The following SMYD3 variants were observed in gnomAD, a reference collection of about 807,000 sequenced individuals.
SMYD3 encodes histone-lysine N-methyltransferase SMYD3.
A neutral mutation model predicts 57.7 loss-of-function variants in SMYD3; 36 were observed. The ratio of observed to expected loss-of-function variants is 0.62; its 90% CI spans 0.48 to 0.82. SMYD3 has a LOEUF of 0.82. Ranked by LOEUF, SMYD3 falls within the 40% of genes least tolerant of loss-of-function variation. SMYD3 has a pLI of 0.00. For synonymous variants in SMYD3, 211 were observed against 195.0 expected, an observed-to-expected ratio of 1.08 and a Z score of -0.68; for missense variants, 515 against 538.8, an observed-to-expected ratio of 0.96 and a Z score of 0.44.
At chr1:246,241,830 T>C (rs192326384) in intron 5 of SMYD3, among the ~76,000 whole-genome samples, 11 of 152,182 alleles carry the variant, frequency 7.2e-5, no homozygotes, top group Non-Finnish European at 7.3e-5. Flanking sequence ...GGAGAGTGTA[T>C]CTGTCGAGGA....
chr1:246,038,524 A>G (rs1379063269), intron 5 of SMYD3, among the ~76,000 whole-genome samples: 1 of 152,222 alleles, frequency 6.6e-6, no homozygotes, highest in Admixed American at 6.5e-5. Context: ...GCCTCGGGTA[A>G]CTCTCAGGCC....
At chr1:246,212,133 G>A (rs2063098927) in intron 5 of SMYD3, among the ~76,000 whole-genome samples, 1 of 151,980 alleles carries the variant, frequency 6.6e-6, no homozygotes, top group Admixed American at 6.5e-5. Context: ...AAAAGACACA[G>A]GGCTGGTAAA....
chr1:246,445,606 A>G (rs892533811), intron 1 of SMYD3, among the ~76,000 whole-genome samples: 3 of 152,214 alleles, frequency 2.0e-5, no homozygotes, highest in African/African-American at 7.2e-5. Context: ...AACACAGTTA[A>G]CAACAAAGAA....
At chr1:246,016,444 G>A (rs770982162) in intron 5 of SMYD3, among the ~76,000 whole-genome samples, 4 of 151,360 alleles carry the variant, frequency 2.6e-5, no homozygotes, top group East Asian at 2.0e-4. Context: ...TTAGCCAGGC[G>A]TGGTGGCATG....
At position 245,863,866 on chromosome 1, in the gene SMYD3, A is replaced by G; in HGVS notation, c.834T>C (p.Gly278=). The G allele has an allele frequency of 6.2e-7, 1 of 1,614,146 alleles. No individual in the cohort carries two copies. Among genetic ancestry groups the G allele is most frequent in the Non-Finnish European group, 8.5e-7 (1 of 1,179,990 alleles). The change falls in exon 9 of 12, where the codon GGT becomes GGC. Residue 278 remains glycine (G), a synonymous_variant. Coordinates refer to ENST00000490107, the MANE Select transcript of SMYD3 (RefSeq NM_001167740.2). ...TQDKDADMLT[G]DEQVWKEVQE... ...GAACTTCCTTCCATACTTGCTCATC[A>G]CCAGTTAGCATATCAGCATCCTGCT...
intron 5 of SMYD3, among the ~76,000 whole-genome samples, chr1:246,101,700 T>C (rs1306670653): frequency 1.3e-5 from 2 of 152,258 alleles, no homozygotes. Flanking sequence ...CTTCTTTTTC[T>C]TTAAAATTTA....
At chr1:246,017,023 G>T (rs1422158363) in intron 5 of SMYD3, among the ~76,000 whole-genome samples, 1 of 152,008 alleles carries the variant, frequency 6.6e-6, no homozygotes, top group East Asian at 1.9e-4. Context: ...TAATACAAGT[G>T]TCTTTCCAAA....
At chr1:246,300,263 T>C (rs917067366) in intron 5 of SMYD3, among the ~76,000 whole-genome samples, 3 of 152,132 alleles carry the variant, frequency 2.0e-5, no homozygotes, top group African/African-American at 7.2e-5. Context: ...TAGACCCCAA[T>C]AAACATTTCA....
chr1:246,061,470 C>T (rs562056681), intron 5 of SMYD3, among the ~76,000 whole-genome samples: 1 of 151,948 alleles, frequency 6.6e-6, no homozygotes, highest in East Asian at 1.9e-4. Flanking sequence ...CCTATAATCT[C>T]AGCACTTTGG....
intron 5 of SMYD3, among the ~76,000 whole-genome samples, chr1:246,137,897 A>G (rs533520155): frequency 6.6e-6 from 1 of 152,320 alleles, no homozygotes; most frequent in Admixed American, 6.5e-5. Context: ...GGGAGCACAC[A>G]TTTAAAAAAA....
At position 246,347,550 on chromosome 1, in the gene SMYD3, G is replaced by C. The variant is rs147310931; in HGVS notation, c.228+7481C>G. On this transcript the variant is annotated intron_variant, in intron 2 of 11. Coordinates refer to ENST00000490107, the MANE Select transcript of SMYD3 (RefSeq NM_001167740.2). ...AAAACACTTGAAAGGTGTGTGCAAT[G>C]GTTTGAAGGTCTGTACCCTCCAAAA... 4.5e-3 allele frequency among the ~76,000 whole-genome samples: 688 copies of C among 152,254 alleles called. 6 individuals carry two copies. Among genetic ancestry groups the C allele is most frequent in the Admixed American group, 9.7e-3 (149 of 15,296 alleles).
chr1:246,361,422 G>C (rs1417582018), intron 1 of SMYD3, among the ~76,000 whole-genome samples: 5 of 152,182 alleles, frequency 3.3e-5, no homozygotes, highest in African/African-American at 1.2e-4. Flanking sequence ...TCTACCATTT[G>C]ATTCAGCAGT....
chr1:246,256,055 G>C (rs1558354168), intron 5 of SMYD3, among the ~76,000 whole-genome samples: 1 of 151,992 alleles, frequency 6.6e-6, no homozygotes, highest in Non-Finnish European at 1.5e-5. Flanking sequence ...AGTTTGTTAA[G>C]TATTAACTTA....
intron 5 of SMYD3, among the ~76,000 whole-genome samples, chr1:245,995,706 G>A (rs909842426): frequency 7.9e-5 from 12 of 152,232 alleles, no homozygotes; most frequent in Non-Finnish European, 1.5e-5. Context: ...GACGGAGCAG[G>A]GGCCTAGGCC....
chr1:245,970,737 C>A (rs2148025839), intron 5 of SMYD3, among the ~76,000 whole-genome samples: 1 of 152,234 alleles, frequency 6.6e-6, no homozygotes, highest in East Asian at 1.9e-4. Context: ...CAAATCAAAA[C>A]CACAGTGAGA....
intron 10 of SMYD3, chr1:245,788,818 C>A (rs2047152129): frequency 6.6e-6 from 1 of 152,190 alleles, no homozygotes; most frequent in Non-Finnish European, 1.5e-5. Context: ...ATGCCAGAGT[C>A]CAGAATAAGA....
chr1:246,250,649 G>T (rs998689406), intron 5 of SMYD3, among the ~76,000 whole-genome samples: 3 of 152,078 alleles, frequency 2.0e-5, no homozygotes, highest in Admixed American at 6.5e-5. Context: ...ATCTCTTAAA[G>T]CTATATTCAT....
rs997211258 is a variant in SMYD3, at chr1:246,399,688, G to C, written c.165-44594C>G. 1.2e-4 allele frequency among the ~76,000 whole-genome samples: 18 copies of C among 152,148 alleles called. No individual in the cohort carries two copies. In the East Asian group the frequency reaches 3.5e-3, roughly 29 times the overall value. On this transcript the variant is annotated intron_variant, in intron 1 of 11. Coordinates refer to ENST00000490107, the MANE Select transcript of SMYD3 (RefSeq NM_001167740.2). ...CTATTTTAAAAAGTACTGTGAAAAAGAAACAAAAATGAAAAAGACACATGC... is the reference window on the plus strand; with the variant it reads ...CTATTTTAAAAAGTACTGTGAAAAACAAACAAAAATGAAAAAGACACATGC...
At chr1:246,018,561 C>T (rs1363512162) in intron 5 of SMYD3, among the ~76,000 whole-genome samples, 2 of 152,184 alleles carry the variant, frequency 1.3e-5, no homozygotes, top group African/African-American at 2.4e-5. Context: ...AATTGTGCTT[C>T]ACGTGCTTTG....
Sources: gnomAD v4.1 joint callset for allele counts (sites outside exome capture counted in the v4.1 genomes callset) on GRCh38, gnomAD v4.1.1 for gene constraint, MANE v1.5 for transcripts, NCBI Gene and HGNC (gene_info 2026-07-23, HGNC 2026-07-21) for gene names.